Variants in SORL1-AS1 observed in about 807,000 individuals in gnomAD.
SORL1-AS1 encodes the protein lncRNA 51 A.
downstream of SORL1-AS1, among the ~76,000 whole-genome samples, chr11:121,444,806 G>T (rs950578797): frequency 6.6e-6 from 1 of 152,178 alleles, no homozygotes; most frequent in Non-Finnish European, 1.5e-5. Flanking sequence ...CAGCCTTTTA[G>T]AATTAAGAAT....
At chr11:121,442,641 TTTTATTTATTTATTTATTTATTTA>T (rs369945985), downstream of SORL1-AS1, among the ~76,000 whole-genome samples, 1 of 127,538 alleles carries the variant, frequency 7.8e-6, no homozygotes, top group Admixed American at 7.9e-5. Context: ...TCTCTCTCTC[TTTTATTTATTTATTTATTTATTTA>T]TTTATTTATT....
chr11:121,442,360 C>A (rs779963130), downstream of SORL1-AS1, among the ~76,000 whole-genome samples: 1 of 152,098 alleles, frequency 6.6e-6, no homozygotes, highest in Non-Finnish European at 1.5e-5. Flanking sequence ...TGGGGCTGGG[C>A]GAAGTGGCTC....
chr11:121,448,469 T>C (rs1860751266), exon 2 of SORL1-AS1: 2 of 152,156 alleles, frequency 1.3e-5, no homozygotes, highest in Non-Finnish European at 2.9e-5. Context: ...GAGGGAACAA[T>C]GTTTACCATC....
In SORL1-AS1 at chr11:121,450,687, T is replaced by C. The variant is rs1860778359; in HGVS notation, n.340-788A>G. ...TTTGATACCTGTATACAATGTATAA[T>C]GAACAAAGCAGGGTGGTTAACATAG... On this transcript the variant is annotated intron_variant and non_coding_transcript_variant, in intron 1 of 1. Transcript: ENST00000501964. The surrounding 1 kb of genome is among the most constrained non-coding windows in gnomAD (Gnocchi z 5.2). Among the ~76,000 whole-genome samples, 2 of 152,244 alleles carry C rather than the reference T, an allele frequency of 1.3e-5. No individual in the cohort carries two copies. Among genetic ancestry groups the C allele is most frequent in the South Asian group, 4.1e-4 (2 of 4,828 alleles).
At chr11:121,439,985 A>G in the SORL1-AS1 span, among the ~76,000 whole-genome samples, 1 of 152,136 alleles carries the variant, frequency 6.6e-6, no homozygotes. Context: ...TAGTTACTGG[A>G]TTCTGGGGGA....
Position 121,452,700 on chromosome 11 carries a change from C to T in SORL1-AS1, n.314G>A, listed in dbSNP as rs1000973401. ...CCCCGCATCCATCCGTTGCAGTCGC[C>T]TCCTAGGTGCAGGCACCACTGGGGA... On this transcript the variant is annotated non_coding_transcript_exon_variant, in exon 1 of 2. Coordinates refer to ENST00000501964, the Ensembl canonical transcript of SORL1-AS1. The surrounding 1 kb of genome is among the most constrained non-coding windows in gnomAD (Gnocchi z 5.3). 7.9e-7 allele frequency: 1 copy of T among 1,262,760 alleles called. No individual in the cohort carries two copies. 78.2% of individuals were successfully genotyped at this position (1,262,760 alleles called of 1,614,324 possible). A position where few individuals can be genotyped will look rare whatever the true frequency, so the allele number is the denominator to read the frequency against.
the SORL1-AS1 span, among the ~76,000 whole-genome samples, chr11:121,440,688 A>T: frequency 6.6e-6 from 1 of 152,154 alleles, no homozygotes. Context: ...CCCTTTCCAT[A>T]CTCAGGAGGA....
chr11:121,449,547 C>T (rs367983482), exon 2 of SORL1-AS1: 8 of 152,226 alleles, frequency 5.3e-5, no homozygotes, highest in African/African-American at 1.4e-4. Flanking sequence ...ATGAAGAAAT[C>T]GTAAGAGACA....
At position 121,452,098 on chromosome 11, in the gene SORL1-AS1, G is replaced by C. The variant is rs1185840381; in HGVS notation, n.339+577C>G. On this transcript the variant is annotated intron_variant and non_coding_transcript_variant, in intron 1 of 1. Transcript: ENST00000501964. This position sits in a 1 kb window ranked among gnomAD's most constrained non-coding sequence, Gnocchi z 5.3. ...CCGGAGTCGCCGCCGAGGCCGCCGA[G>C]CGCAGAAAGTGCGCGAAAGGGACGC... 1 of 153,760 alleles carries C rather than the reference G, an allele frequency of 6.5e-6. No individual in the cohort carries two copies. Among genetic ancestry groups the C allele is most frequent in the Non-Finnish European group, 1.4e-5 (1 of 69,610 alleles). The allele number at this position is 153,760 out of a possible 1,614,324, so 9.5% of individuals were successfully genotyped here.
the SORL1-AS1 span, among the ~76,000 whole-genome samples, chr11:121,439,172 C>A: frequency 6.6e-6 from 1 of 152,112 alleles, no homozygotes; most frequent in Admixed American, 6.5e-5. Flanking sequence ...AATGGCTCTA[C>A]CATTTTATAC....
At chr11:121,443,685 G>A (rs1162446885), downstream of SORL1-AS1, among the ~76,000 whole-genome samples, 1 of 152,212 alleles carries the variant, frequency 6.6e-6, no homozygotes, top group African/African-American at 2.4e-5. Flanking sequence ...AGGAATTCAA[G>A]CTTTTCAGGG....
chr11:121,452,841 G>A lies in SORL1-AS1; in HGVS notation n.173C>T, dbSNP rs183196358. The A allele has an allele frequency of 8.2e-5, 39 of 472,904 alleles. No individual in the cohort carries two copies. Among genetic ancestry groups the A allele is most frequent in the African/African-American group, 6.5e-4 (32 of 49,056 alleles). The allele number at this position is 472,904 out of a possible 1,614,324, so 29.3% of individuals were successfully genotyped here. The stretch of plus-strand genomic sequence containing the variant: ...AAACGTATTCCAGGTAACTCGCCGG[G>A]TGCAGTGCGTATTACCCCAGGGTGT... On this transcript the variant is annotated non_coding_transcript_exon_variant, in exon 1 of 2. Transcript: ENST00000501964. The surrounding 1 kb of genome is among the most constrained non-coding windows in gnomAD (Gnocchi z 5.3).
exon 2 of SORL1-AS1, chr11:121,449,465 A>G (rs1466195961): frequency 1.3e-5 from 2 of 152,212 alleles, no homozygotes; most frequent in African/African-American, 2.4e-5. Context: ...GGCTGCTCCT[A>G]TCTCACAACC....
At chr11:121,443,314 T>C (rs1860685747), downstream of SORL1-AS1, among the ~76,000 whole-genome samples, 1 of 152,174 alleles carries the variant, frequency 6.6e-6, no homozygotes, top group South Asian at 2.1e-4. Context: ...TTAGGACAAA[T>C]GACTGCCCCA....
downstream of SORL1-AS1, among the ~76,000 whole-genome samples, chr11:121,444,323 A>T (rs75442789): frequency 6.0e-3 from 921 of 152,320 alleles, 3 homozygotes; most frequent in Non-Finnish European, 9.3e-3. Context: ...TAGCTAAACA[A>T]GTTTTATGTG....
downstream of SORL1-AS1, among the ~76,000 whole-genome samples, chr11:121,443,575 ATTAACT>A (rs1398059890): frequency 6.6e-6 from 1 of 152,232 alleles, no homozygotes; most frequent in Non-Finnish European, 1.5e-5. Flanking sequence ...ATGTGTATAA[ATTAACT>A]TTAATCCATG....
At chr11:121,444,294 CAAT>C (rs1208483601), downstream of SORL1-AS1, among the ~76,000 whole-genome samples, 5 of 152,196 alleles carry the variant, frequency 3.3e-5, no homozygotes, top group Non-Finnish European at 7.3e-5. Flanking sequence ...GAGCTTTGCT[CAAT>C]AATAATAGGC....
At position 121,450,207 on chromosome 11, in the gene SORL1-AS1, GA is replaced by G. The variant is rs764615238; in HGVS notation, n.340-309del. Among the ~76,000 whole-genome samples the G allele has an allele frequency of 2.6e-5, 4 of 152,158 alleles. No individual in the cohort carries two copies. Among genetic ancestry groups the G allele is most frequent in the Admixed American group, 6.5e-5 (1 of 15,278 alleles). ...GAAGGTTCTCATTAAATATATGTTG[GA>G]AAAACCCCAATAATTGAATCATCTA... On this transcript the variant is annotated intron_variant and non_coding_transcript_variant, in intron 1 of 1. Transcript: ENST00000501964. This position sits in a 1 kb window ranked among gnomAD's most constrained non-coding sequence, Gnocchi z 5.2.
At chr11:121,446,093 G>A (rs1041950703), downstream of SORL1-AS1, among the ~76,000 whole-genome samples, 2 of 152,138 alleles carry the variant, frequency 1.3e-5, no homozygotes, top group Non-Finnish European at 2.9e-5. Context: ...ACTGCCGAAG[G>A]GTGTGAGGAG....
Sources: allele counts gnomAD v4.1 joint callset (sites outside exome capture counted in the v4.1 genomes callset), GRCh38; gene constraint gnomAD v4.1.1; non-coding constraint Gnocchi (gnomAD v3.1); transcripts MANE v1.5; gene names NCBI Gene and HGNC (gene_info 2026-07-23, HGNC 2026-07-21).